The following ERCC2 variants were observed in gnomAD, a reference collection of about 807,000 sequenced individuals.
ERCC2 encodes the protein general transcription and DNA repair factor IIH helicase subunit XPD.
In ERCC2, 90 loss-of-function variants were observed where a neutral mutation model predicts 99.4. The ratio of observed to expected loss-of-function variants is 0.91; its 90% CI spans 0.76 to 1.08. The LOEUF (loss-of-function observed/expected upper bound fraction) is 1.08. Among genes scored for constraint, ERCC2 ranks in the 50% least tolerant of loss-of-function variants. The probability of loss-of-function intolerance (pLI) is 0.00; values close to 1 mark genes in which losing one functional copy is unlikely to be tolerated. For missense variants in ERCC2, 993 were observed against 1,038.1 expected (o/e 0.96, Z 0.60); for synonymous variants, 497 against 432.4 (o/e 1.15, Z -1.85).
chr19:45,362,598 A>T (rs1246865327), intron 11 of ERCC2, among the ~76,000 whole-genome samples: 2 of 151,954 alleles, frequency 1.3e-5, no homozygotes, highest in East Asian at 3.9e-4. Context: ...GGCTCCTCTA[A>T]CCCCAGGCGC....
Position 45,369,154 on chromosome 19 carries a change from G to C in ERCC2, c.106-7C>G. ...TCTCCAGGACTCCATGACCCTGCAT[G>C]TTGGGGACCAGAGGGGCAACACACA... On this transcript the variant is annotated splice_region_variant and splice_polypyrimidine_tract_variant and intron_variant, in intron 2 of 22. Transcript: ENST00000391945. 1 of 1,613,546 alleles carries C rather than the reference G, an allele frequency of 6.2e-7. No homozygotes were observed. The highest frequency in any genetic ancestry group is 1.1e-5 in the South Asian group (1 of 91,062).
At position 45,365,095 on chromosome 19, in the gene ERCC2, CATAGG is replaced by C; in HGVS notation, c.419_423del (p.Ser140CysfsTer8). On this transcript the variant is annotated frameshift_variant, in exon 6 of 23. Coordinates refer to ENST00000391945, the MANE Select transcript of ERCC2 (RefSeq NM_000400.4). LOFTEE classifies it high-confidence loss of function. ...GTGTCATGCTGGTACTGCGCCCGCA[CATAGG>C]AGGCTGTGAGGCTGTGGCATTTCCC... The C allele has an allele frequency of 6.2e-7, 1 of 1,614,202 alleles. No homozygotes were observed. The highest frequency in any genetic ancestry group is 8.5e-7 in the Non-Finnish European group (1 of 1,180,032).
In ERCC2 at chr19:45,352,830, G is replaced by A. The variant is rs971499135; in HGVS notation, c.1832-14C>T. 4 of 1,612,996 alleles carry A rather than the reference G, an allele frequency of 2.5e-6. No individual in the cohort carries two copies. The highest frequency in any genetic ancestry group is 3.4e-6 in the Non-Finnish European group (4 of 1,179,340). On this transcript the variant is annotated splice_polypyrimidine_tract_variant and intron_variant, in intron 19 of 22. Coordinates refer to ENST00000391945, the MANE Select transcript of ERCC2 (RefSeq NM_000400.4). ...CGTAGTGGTGCACTGGTGGGCAGAG[G>A]AGAGGGGGCGAGGGGGGTTACAAGT...
intron 7 of ERCC2, 141 bp from the exon 8 acceptor site, chr19:45,364,688 G>A (rs1286593233): frequency 2.9e-6 from 4 of 1,380,148 alleles, no homozygotes; most frequent in Admixed American, 1.9e-5. Flanking sequence ...GATGGATAGA[G>A]ACAGACCAAC....
rs200617999 is a variant in ERCC2 at position 45,351,316 on chromosome 19, C to A, written c.*313G>T. The A allele has an allele frequency of 6.2e-7, 1 of 1,612,494 alleles. No individual in the cohort carries two copies. The highest frequency in any genetic ancestry group is 8.5e-7 in the Non-Finnish European group (1 of 1,180,002). ...CAGCTGGCACCTGGACAAGGCCCCT[C>A]GGACCCTCAGCGCCAGCACCCAGGA... On this transcript the variant is annotated 3_prime_UTR_variant, in exon 23 of 23. Transcript: ENST00000391945.
intron 5 of ERCC2, among the ~76,000 whole-genome samples, chr19:45,366,228 C>T (rs991546764): frequency 1.3e-4 from 20 of 151,900 alleles, no homozygotes; most frequent in African/African-American, 4.8e-4. Flanking sequence ...CCACAACCTC[C>T]GCCTCCCAGG....
In ERCC2 at chr19:45,354,726, G is replaced by A. The variant is rs148416328; in HGVS notation, c.1665+4C>T. 292 of 1,613,756 alleles carry A rather than the reference G, an allele frequency of 1.8e-4. No individual in the cohort carries two copies. Among genetic ancestry groups the A allele is most frequent in the Non-Finnish European group, 2.1e-4 (248 of 1,179,820 alleles). ...AGGTGCAGGGAGGGGGTGGCCAGGC[G>A]TACCTGCTCATACCAGGAGGCCACG... On this transcript the variant is annotated splice_donor_region_variant and intron_variant, in intron 17 of 22. Coordinates refer to ENST00000391945, the MANE Select transcript of ERCC2 (RefSeq NM_000400.4).
intron 15 of ERCC2, among the ~76,000 whole-genome samples, chr19:45,356,306 C>T (rs1361045823): frequency 6.6e-6 from 1 of 152,014 alleles, no homozygotes; most frequent in East Asian, 1.9e-4. Flanking sequence ...GAACACATTT[C>T]TTTTTCAAGT....
In ERCC2 at chr19:45,361,698, C is replaced by A. The variant is rs764125333; in HGVS notation, c.1119-56G>T. On this transcript the variant is annotated intron_variant, in intron 11 of 22. Transcript: ENST00000391945. ...CAGACGGAAGCATGAGCAGGACCAG[C>A]AGCCCTGCCTCCGCCATCACGACGG... 2.4e-6 allele frequency: 3 copies of A among 1,253,380 alleles called. No individual in the cohort carries two copies. In the African/African-American group the frequency reaches 4.4e-5, roughly 18 times the overall value. 77.6% of individuals were successfully genotyped at this position (1,253,380 alleles called of 1,614,324 possible).
Position 45,370,146 on chromosome 19 carries a change from G to A in ERCC2, c.92C>T (p.Thr31Met), listed in dbSNP as rs374798062. ...CCGGCCACCCACCTTGGCGTCCAGCGTGCGTTTGAGCTCCCGCATGTAGGA... is the reference window on the plus strand; with the variant it reads ...CCGGCCACCCACCTTGGCGTCCAGCATGCGTTTGAGCTCCCGCATGTAGGA... ...QFSYMRELKRTLDAKGHGVLE... is the reference protein window; with the variant it reads ...QFSYMRELKRMLDAKGHGVLE... Residue 31 changes from threonine to methionine, a missense_variant, in exon 2 of 23, where the codon ACG (threonine) becomes ATG (methionine). Thr to Met is a moderately conservative substitution (Grantham distance 81, BLOSUM62 -1). Around this residue, in one of 3 missense-constraint regions of ERCC2, gnomAD observed 55 missense variants for 45.1 expected, o/e 1.22. Coordinates refer to ENST00000391945, the MANE Select transcript of ERCC2 (RefSeq NM_000400.4). 45 of 1,612,934 alleles carry A rather than the reference G, an allele frequency of 2.8e-5. No individual in the cohort carries two copies. Among genetic ancestry groups the A allele is most frequent in the Non-Finnish European group, 3.5e-5 (41 of 1,179,278 alleles).
In ERCC2 at chr19:45,353,083, C is replaced by G; in HGVS notation, c.1831G>C (p.Val611Leu). The stretch of plus-strand genomic sequence containing the variant: ...GGGAGGAAGAGCCCAGTCCACTCAC[C>G]AAAGTCGATTCCCTCGGACACTTTG... ...RGKVSEGIDF[V>L]HHYGRAVIMF... Residue 611 changes from valine (V) to leucine (L), a missense_variant and splice_region_variant, in exon 19 of 23, where the codon GTG becomes CTG. By Grantham distance (32) the Val-to-Leu change is conservative. Coordinates refer to ENST00000391945, the MANE Select transcript of ERCC2 (RefSeq NM_000400.4). 2 of 1,612,764 alleles carry G rather than the reference C, an allele frequency of 1.2e-6. No individual in the cohort carries two copies. The highest frequency in any genetic ancestry group is 2.2e-5 in the South Asian group (2 of 91,022).
At chr19:45,351,869 C>A in intron 22 of ERCC2, 148 bp from the exon 23 acceptor site, 1 of 734,250 alleles carries the variant, frequency 1.4e-6, no homozygotes, top group Non-Finnish European at 2.3e-6. Flanking sequence ...CAGAGCGGGC[C>A]ATCCCTGTCA....
Position 45,351,392 on chromosome 19 carries a change from G to T in ERCC2, c.*237C>A. 6.2e-7 allele frequency: 1 copy of T among 1,606,112 alleles called. No homozygotes were observed. On this transcript the variant is annotated 3_prime_UTR_variant, in exon 23 of 23. Transcript: ENST00000391945. ...AACTGCGCTGGCCGCAGCTTCTTGGGAACAGTGCAGGAGGGATGGGCTGGT... is the reference window on the plus strand; with the variant it reads ...AACTGCGCTGGCCGCAGCTTCTTGGTAACAGTGCAGGAGGGATGGGCTGGT...
intron 15 of ERCC2, among the ~76,000 whole-genome samples, chr19:45,356,124 C>G (rs1236415073): frequency 6.6e-6 from 1 of 152,160 alleles, no homozygotes; most frequent in African/African-American, 2.4e-5. Flanking sequence ...CACTCTCCAA[C>G]AGCAGCTACA....
intron 11 of ERCC2, among the ~76,000 whole-genome samples, chr19:45,363,312 G>T (rs1972290858): frequency 6.6e-6 from 1 of 152,102 alleles, no homozygotes; most frequent in Non-Finnish European, 1.5e-5. Flanking sequence ...CTCCCAGCCT[G>T]CGAGGCCCTG....
chr19:45,363,147 C>A (rs1471430620), intron 11 of ERCC2, among the ~76,000 whole-genome samples: 1 of 152,174 alleles, frequency 6.6e-6, no homozygotes, highest in Non-Finnish European at 1.5e-5. Flanking sequence ...AAAGCCCCCT[C>A]GTATCCCTTG....
intron 12 of ERCC2, 131 bp from the exon 13 acceptor site, chr19:45,357,830 C>G: frequency 1.2e-6 from 1 of 810,520 alleles, no homozygotes. Context: ...GTAAATGCGA[C>G]CAAACATGAC....
rs41551713 is a variant in ERCC2, at chr19:45,351,797, AC to A, written c.2191-77del. 548 of 1,308,782 alleles carry A rather than the reference AC, an allele frequency of 4.2e-4. 7 individuals carry two copies. In the South Asian group the frequency reaches 6.1e-3, roughly 15 times the overall value. 81.1% of individuals were successfully genotyped at this position (1,308,782 alleles called of 1,614,324 possible). ...AGGCAGCTGCTGCACTTCCCCAACCACCCCCCCGAATGGCCAGTAGGGACAG... is the reference window on the plus strand; with the variant it reads ...AGGCAGCTGCTGCACTTCCCCAACCACCCCCCGAATGGCCAGTAGGGACAG... On this transcript the variant is annotated intron_variant, in intron 22 of 22. Transcript: ENST00000391945.
intron 16 of ERCC2, 147 bp from the exon 17 acceptor site, chr19:45,354,998 G>T: frequency 3.9e-6 from 4 of 1,014,476 alleles, no homozygotes; most frequent in Non-Finnish European, 6.1e-6. Context: ...GGGCGTGTCT[G>T]AGGACCCGCC....
Sources: allele counts gnomAD v4.1 joint callset (sites outside exome capture counted in the v4.1 genomes callset), GRCh38; gene constraint gnomAD v4.1.1; regional missense constraint gnomAD v4.1.1; transcripts MANE v1.5; gene names NCBI Gene and HGNC (gene_info 2026-07-23, HGNC 2026-07-21).